Variants in TLK1 observed in about 807,000 individuals in gnomAD.
The protein encoded by TLK1 is tousled like kinase 1, also known as serine/threonine-protein kinase tousled-like 1.
Under a neutral mutation model 105.3 loss-of-function variants are expected in TLK1, and 24 were observed. The ratio of observed to expected loss-of-function variants is 0.23; its 90% CI spans 0.17 to 0.32. The LOEUF is 0.32. TLK1 is among the 10% of genes least tolerant of loss of function. The pLI is 1.00. For synonymous variants in TLK1, 321 were observed against 310.4 expected (o/e 1.03, Z -0.36); for missense variants, 558 against 910.5 (o/e 0.61, Z 4.98).
intron 8 of TLK1, among the ~76,000 whole-genome samples, chr2:171,053,334 A>C (rs1687332487): frequency 6.6e-6 from 1 of 152,092 alleles, no homozygotes; most frequent in African/African-American, 2.4e-5. Flanking sequence ...TACTTAAACT[A>C]ACAGAAAAAG....
chr2:171,053,085 T>G (rs1224185826), intron 8 of TLK1, among the ~76,000 whole-genome samples: 2 of 152,202 alleles, frequency 1.3e-5, no homozygotes, highest in African/African-American at 4.8e-5. Flanking sequence ...CTAGATGTAT[T>G]TTTAAATAAA....
At chr2:171,211,967 A>T (rs1403956248) in intron 1 of TLK1, among the ~76,000 whole-genome samples, 9 of 150,642 alleles carry the variant, frequency 6.0e-5, no homozygotes, top group Admixed American at 5.9e-4. Context: ...TGCCTCAGTC[A>T]CCCGAGTAGC....
chr2:170,997,700 A>C lies in TLK1; in HGVS notation c.2016+12T>G. The C allele has an allele frequency of 6.5e-7, 1 of 1,543,326 alleles. No individual in the cohort carries two copies. The highest frequency in any genetic ancestry group is 8.9e-7 in the Non-Finnish European group (1 of 1,129,336). On this transcript the variant is annotated intron_variant, in intron 19 of 20. Transcript: ENST00000431350. Reference sequence around the variant, plus strand: ...TCTCTGTAGAGCTGAAGGCTGGTAGAATTCAATTTACCTTTCTACCATAAA... The same window carrying C: ...TCTCTGTAGAGCTGAAGGCTGGTAGCATTCAATTTACCTTTCTACCATAAA...
At chr2:171,059,896 C>T (rs1183176331) in intron 4 of TLK1, 7 of 1,122,744 alleles carry the variant, frequency 6.2e-6, no homozygotes, top group Admixed American at 1.7e-5. Context: ...CGAGCTTAGG[C>T]GGTAATGCTC....
chr2:170,996,350 T>G (rs1434736786), intron 20 of TLK1, among the ~76,000 whole-genome samples: 1 of 152,208 alleles, frequency 6.6e-6, no homozygotes, highest in Non-Finnish European at 1.5e-5. Context: ...AGTATTAACA[T>G]AAGCAGATAA....
At chr2:171,112,248 C>T (rs780180421) in intron 2 of TLK1, among the ~76,000 whole-genome samples, 2 of 152,146 alleles carry the variant, frequency 1.3e-5, no homozygotes, top group Non-Finnish European at 2.9e-5. Context: ...CCACGCCTGG[C>T]CTGATAAATG....
At chr2:171,025,882 T>C (rs1005347339) in intron 12 of TLK1, among the ~76,000 whole-genome samples, 1 of 152,230 alleles carries the variant, frequency 6.6e-6, no homozygotes, top group African/African-American at 2.4e-5. Flanking sequence ...TAAGGTGACA[T>C]TACTTGCTTA....
intron 3 of TLK1, among the ~76,000 whole-genome samples, chr2:171,082,246 A>G (rs1373798757): frequency 6.6e-6 from 1 of 152,102 alleles, no homozygotes; most frequent in East Asian, 1.9e-4. Flanking sequence ...AAAATCCCAG[A>G]TATTTTCTTG....
chr2:170,997,029 T>C (rs532129104), intron 19 of TLK1, among the ~76,000 whole-genome samples: 210 of 152,304 alleles, frequency 1.4e-3, no homozygotes, highest in Non-Finnish European at 2.2e-3. Context: ...GATAAAAACA[T>C]AAATTTAAAA....
chr2:171,160,608 G>C lies in TLK1; in HGVS notation c.-180C>G. The C allele has an allele frequency of 1.0e-6, 1 of 973,464 alleles. No homozygotes were observed. The highest frequency in any genetic ancestry group is 1.8e-5 in the South Asian group (1 of 56,874). The allele number at this position is 973,464 out of a possible 1,614,324, so 60.3% of individuals were successfully genotyped here. A position where few individuals can be genotyped will look rare whatever the true frequency, so the allele number is the denominator to read the frequency against. On this transcript the variant is annotated 5_prime_UTR_variant, in exon 1 of 21. Coordinates refer to ENST00000431350, the MANE Select transcript of TLK1 (RefSeq NM_012290.5). The surrounding 1 kb of genome is among the most constrained non-coding windows in gnomAD (Gnocchi z 4.4). ...GAAGAGGGGAGGTGGGGAGGAAAGAGGTGAGGGAAGGAGAGGGGACAGGGA... is the reference window on the plus strand; with the variant it reads ...GAAGAGGGGAGGTGGGGAGGAAAGACGTGAGGGAAGGAGAGGGGACAGGGA...
chr2:171,221,649 T>C (rs1693812180), intron 1 of TLK1, among the ~76,000 whole-genome samples: 1 of 152,214 alleles, frequency 6.6e-6, no homozygotes, highest in African/African-American at 2.4e-5. Flanking sequence ...ACACATTTAT[T>C]TTCTCACAGT....
intron 2 of TLK1, among the ~76,000 whole-genome samples, chr2:171,103,511 G>A (rs111607517): frequency 2.1e-4 from 32 of 151,948 alleles, no homozygotes; most frequent in African/African-American, 7.5e-4. Context: ...CAAAGTGGTG[G>A]GATTACAGGC....
chr2:171,197,770 C>T (rs1335502367), intron 1 of TLK1, among the ~76,000 whole-genome samples: 1 of 68,896 alleles, frequency 1.5e-5, no homozygotes, highest in African/African-American at 6.2e-5. Context: ...CAGAGTGAGA[C>T]TCTGTCTCAA....
intron 1 of TLK1, among the ~76,000 whole-genome samples, chr2:171,146,902 T>C (rs1021920386): frequency 6.6e-6 from 1 of 152,328 alleles, no homozygotes; most frequent in East Asian, 1.9e-4. Context: ...TCTACCTCAG[T>C]AGGCCTCCTT....
rs116326574 is a variant in TLK1, at chr2:171,039,117, T to C, written c.1169+7057A>G. Among the ~76,000 whole-genome samples, 293 of 152,322 alleles carry C rather than the reference T, an allele frequency of 1.9e-3. 1 individual carries two copies. The highest frequency in any genetic ancestry group is 3.4e-3 in the Non-Finnish European group (232 of 68,014). On this transcript the variant is annotated intron_variant, in intron 11 of 20. Coordinates refer to ENST00000431350, the MANE Select transcript of TLK1 (RefSeq NM_012290.5). Reference sequence around the variant, plus strand: ...AAATTTTACTATGTCTGATTTAATATAGCTTTCTTTTGGGTGGTGTTTGCC... The same window carrying C: ...AAATTTTACTATGTCTGATTTAATACAGCTTTCTTTTGGGTGGTGTTTGCC...
chr2:171,225,233 A>G (rs1044296343), intron 1 of TLK1, among the ~76,000 whole-genome samples: 1 of 152,214 alleles, frequency 6.6e-6, no homozygotes, highest in Non-Finnish European at 1.5e-5. Context: ...TGCAAATCAT[A>G]TGTATAATAA....
chr2:171,145,937 T>C (rs1225505991), intron 1 of TLK1, among the ~76,000 whole-genome samples: 3 of 151,686 alleles, frequency 2.0e-5, no homozygotes, highest in South Asian at 4.2e-4. Flanking sequence ...GGAAGGAGAG[T>C]GTTTGAAGTG....
At chr2:171,047,224 G>A (rs568992629) in intron 10 of TLK1, among the ~76,000 whole-genome samples, 2 of 152,304 alleles carry the variant, frequency 1.3e-5, no homozygotes, top group African/African-American at 4.8e-5. Flanking sequence ...TTAGCAGTTT[G>A]AGCAGAGCAT....
chr2:171,171,092 A>G (rs1692717218), intron 1 of TLK1, among the ~76,000 whole-genome samples: 1 of 152,258 alleles, frequency 6.6e-6, no homozygotes, highest in South Asian at 2.1e-4. Context: ...TATGATCTTA[A>G]GTTAGGCAAA....
Sources: gnomAD v4.1 joint callset for allele counts (sites outside exome capture counted in the v4.1 genomes callset) on GRCh38, gnomAD v4.1.1 for gene constraint, Gnocchi (gnomAD v3.1) non-coding constraint, MANE v1.5 for transcripts, NCBI Gene and HGNC (gene_info 2026-07-23, HGNC 2026-07-21) for gene names.